Variants in GRIP1 observed in about 807,000 individuals in gnomAD.
GRIP1 encodes the protein glutamate receptor-interacting protein 1.
Under a neutral mutation model 129.9 loss-of-function variants are expected in GRIP1, and 45 were observed. The ratio of observed to expected loss-of-function variants is 0.35; its 90% CI spans 0.27 to 0.44. The LOEUF is 0.44. GRIP1 is among the 20% of genes least tolerant of loss of function. The pLI, the probability that GRIP1 is intolerant of heterozygous loss-of-function variation, is 1.00. For synonymous variants in GRIP1, 530 were observed against 520.8 expected (o/e 1.02, Z -0.24); for missense variants, 1,196 against 1,396.8 (o/e 0.86, Z 2.29).
At chr12:66,604,576 CT>C (rs5798830) in intron 1 of GRIP1, among the ~76,000 whole-genome samples, 50,862 of 151,828 alleles carry the variant, frequency 0.33, 8,754 homozygotes, top group Non-Finnish European at 0.37. Context: ...CACATTTTTT[CT>C]TTGTGAGAGG....
intron 1 of GRIP1, among the ~76,000 whole-genome samples, chr12:66,650,973 C>T (rs934837966): frequency 1.3e-5 from 2 of 152,174 alleles, no homozygotes; most frequent in Non-Finnish European, 2.9e-5. Context: ...ACTCATAGCA[C>T]TGCTGTAAGG....
At chr12:66,857,750 A>G (rs2040032448) in intron 1 of GRIP1, among the ~76,000 whole-genome samples, 1 of 151,962 alleles carries the variant, frequency 6.6e-6, no homozygotes, top group African/African-American at 2.4e-5. Context: ...CATCATATAA[A>G]TTCAAAATAG....
rs141162703 is a variant in GRIP1 at position 66,838,401 on chromosome 12, G to C, written c.58+230649C>G. 8.5e-5 allele frequency among the ~76,000 whole-genome samples: 13 copies of C among 152,230 alleles called. No individual in the cohort carries two copies. The East Asian group carries it at 1.7e-3, about 20-fold the overall frequency. On this transcript the variant is annotated intron_variant, in intron 1 of 1. Coordinates refer to the GRIP1 transcript ENST00000643019. ...AGCTCAGCAGGTGATTGGTAAAATA[G>C]TTACCAAATACCAAGATGAGGTTGG...
intron 4 of GRIP1, among the ~76,000 whole-genome samples, chr12:66,538,354 C>T (rs1318271383): frequency 6.6e-6 from 1 of 152,008 alleles, no homozygotes; most frequent in Non-Finnish European, 1.5e-5. Context: ...CATATGCCAC[C>T]ATGCCCGACT....
At chr12:66,916,549 C>T (rs914256899) in intron 1 of GRIP1, among the ~76,000 whole-genome samples, 4 of 152,054 alleles carry the variant, frequency 2.6e-5, no homozygotes, top group Non-Finnish European at 5.9e-5. Context: ...AAAAGAAAAC[C>T]CAAATAAAAC....
rs1260632349 is a variant in GRIP1, at chr12:66,394,316, A to T, written c.2021T>A (p.Val674Glu). The T allele has an allele frequency of 6.2e-7, 1 of 1,614,024 alleles. No individual in the cohort carries two copies. The highest frequency in any genetic ancestry group is 1.7e-5 in the Admixed American group (1 of 60,024). ...GGGCCCCCCGTAGCGTTTAAGCTCC[A>T]CGGTGTAAATAATTGCTCCGGAACT... The part of the protein sequence containing the change: ...QESSGAIIYT[V>E]ELKRYGGPLG... Residue 674 changes from valine to glutamate, a missense_variant, in exon 17 of 25, where the codon GTG (valine) becomes GAG (glutamate). Physicochemically the swap from Val to Glu is moderately radical, Grantham distance 121. Around this residue, in one of 5 missense-constraint regions of GRIP1, gnomAD observed 508 missense variants for 587.0 expected, o/e 0.87. Transcript: ENST00000359742.
chr12:66,758,308 C>T (rs2037362290), intron 1 of GRIP1, among the ~76,000 whole-genome samples: 1 of 152,082 alleles, frequency 6.6e-6, no homozygotes, highest in Non-Finnish European at 1.5e-5. Flanking sequence ...CTGATAAACC[C>T]ATCAGATCTT....
intron 23 of GRIP1, among the ~76,000 whole-genome samples, chr12:66,359,125 C>G (rs1204526343): frequency 6.6e-6 from 1 of 152,200 alleles, no homozygotes. Flanking sequence ...AGGTGCAGTC[C>G]TGCAGACTCT....
chr12:66,905,700 C>T (rs12579822), intron 1 of GRIP1, among the ~76,000 whole-genome samples: 39,491 of 151,976 alleles, frequency 0.26, 5,548 homozygotes, highest in East Asian at 0.45. Flanking sequence ...CTTATTATAG[C>T]TCATATTAAT....
intron 1 of GRIP1, among the ~76,000 whole-genome samples, chr12:66,945,378 A>G (rs950063271): frequency 1.3e-5 from 2 of 152,218 alleles, no homozygotes; most frequent in Non-Finnish European, 2.9e-5. Context: ...GTGTTGCTAT[A>G]AAGAATTATC....
At chr12:67,041,472 T>C (rs573634594) in intron 1 of GRIP1, among the ~76,000 whole-genome samples, 4 of 152,256 alleles carry the variant, frequency 2.6e-5, no homozygotes, top group Admixed American at 1.3e-4. Flanking sequence ...TTATTTATAA[T>C]CATCATCATT....
At chr12:66,449,430 T>C (rs1401744654) in intron 11 of GRIP1, among the ~76,000 whole-genome samples, 2 of 135,772 alleles carry the variant, frequency 1.5e-5, no homozygotes, top group East Asian at 2.2e-4. Context: ...AGATCATTTG[T>C]CTAGGAGGAG....
Position 66,445,316 on chromosome 12 carries a change from T to C in GRIP1, c.1541+6A>G. ...GAAAATGATGCTGTGAAAGAAAGTG[T>C]CTCACCTCTCTGCTGGGCTGTCAGC... On this transcript the variant is annotated splice_donor_region_variant and intron_variant, in intron 12 of 24. Transcript: ENST00000359742. 6.2e-7 allele frequency: 1 copy of C among 1,612,044 alleles called. No individual in the cohort carries two copies.
intron 14 of GRIP1, among the ~76,000 whole-genome samples, chr12:66,426,794 T>A (rs756016933): frequency 6.6e-6 from 1 of 152,184 alleles, no homozygotes; most frequent in African/African-American, 2.4e-5. Flanking sequence ...TCCTACCACT[T>A]GAAGGCTATT....
chr12:66,931,402 A>C (rs115932251), intron 1 of GRIP1, among the ~76,000 whole-genome samples: 2 of 152,204 alleles, frequency 1.3e-5, no homozygotes, highest in African/African-American at 2.4e-5. Flanking sequence ...ATAACAAAGA[A>C]TATCACTCTG....
intron 7 of GRIP1, among the ~76,000 whole-genome samples, chr12:66,486,869 C>T (rs1197946485): frequency 6.6e-6 from 1 of 152,002 alleles, no homozygotes; most frequent in East Asian, 1.9e-4. Flanking sequence ...TAGCTCACTG[C>T]AGCCTCGAAC....
At chr12:66,443,741 G>A (rs1003671314) in intron 13 of GRIP1, among the ~76,000 whole-genome samples, 2 of 152,034 alleles carry the variant, frequency 1.3e-5, no homozygotes, top group African/African-American at 4.8e-5. Context: ...AAGGCATGAG[G>A]TACCATGCCT....
chr12:66,399,839 T>C (rs1372522157), intron 16 of GRIP1, among the ~76,000 whole-genome samples: 1 of 151,852 alleles, frequency 6.6e-6, no homozygotes, highest in Admixed American at 6.5e-5. Context: ...CTAAAAGTGA[T>C]GGAATTAATT....
intron 1 of GRIP1, among the ~76,000 whole-genome samples, chr12:66,748,029 T>A (rs1001145730): frequency 6.6e-6 from 1 of 151,642 alleles, no homozygotes; most frequent in Non-Finnish European, 1.5e-5. Flanking sequence ...GTGTGTGTAT[T>A]TTTTTTTGAG....
Sources: allele counts gnomAD v4.1 joint callset (sites outside exome capture counted in the v4.1 genomes callset), GRCh38; gene constraint gnomAD v4.1.1; regional missense constraint gnomAD v4.1.1; transcripts MANE v1.5; gene names NCBI Gene and HGNC (gene_info 2026-07-23, HGNC 2026-07-21).